The following PRUNE2 variants were observed in gnomAD, a reference collection of about 807,000 sequenced individuals.
PRUNE2 encodes the protein prune homolog 2 with BCH domain.
Under a neutral mutation model 252.0 loss-of-function variants are expected in PRUNE2, and 164 were observed. The observed-to-expected ratio is 0.65, with a 90% CI of 0.57 to 0.74. PRUNE2 has a LOEUF of 0.74. Ranked by LOEUF, PRUNE2 falls within the 30% of genes least tolerant of loss-of-function variation. The probability of loss-of-function intolerance (pLI) is 0.00; values close to 1 mark genes in which losing one functional copy is unlikely to be tolerated. For missense variants in PRUNE2, 3,495 were observed against 3,711.0 expected (o/e 0.94, Z 1.51); for synonymous variants, 1,292 against 1,350.2 (o/e 0.96, Z 0.94).
rs897545748 is a variant in PRUNE2, at chr9:76,896,315, C to T, written c.36+9613G>A. Among the ~76,000 whole-genome samples, 5 of 152,200 alleles carry T rather than the reference C, an allele frequency of 3.3e-5. No homozygotes were observed. In the South Asian group the frequency reaches 8.3e-4, roughly 25 times the overall value. On this transcript the variant is annotated intron_variant, in intron 1 of 18. Transcript: ENST00000376718. ...ATTTCTGTGAATGATTTACAAGTAT[C>T]ATCTCGCAAATAGCCTCAGAGATTG... is the stretch of plus-strand genomic sequence containing the variant.
Position 76,614,450 on chromosome 9 carries a change from T to G in PRUNE2, c.*120A>C. 1.3e-6 allele frequency: 1 copy of G among 781,980 alleles called. No individual in the cohort carries two copies. Among genetic ancestry groups the G allele is most frequent in the Non-Finnish European group, 2.2e-6 (1 of 463,978 alleles). The allele number at this position is 781,980 out of a possible 1,614,324, so 48.4% of individuals were successfully genotyped here. A position where few individuals can be genotyped will look rare whatever the true frequency, so the allele number is the denominator to read the frequency against. On this transcript the variant is annotated 3_prime_UTR_variant, in exon 19 of 19. Coordinates refer to ENST00000376718, the MANE Select transcript of PRUNE2 (RefSeq NM_015225.3). ...CTTTCTATTTTTCCCCTTAGAAATT[T>G]AGAATGGCACCAGGTAGTGCAAAGT...
chr9:76,844,167 C>T (rs1039932446), intron 4 of PRUNE2, among the ~76,000 whole-genome samples: 7 of 152,272 alleles, frequency 4.6e-5, no homozygotes, highest in Admixed American at 2.0e-4. Context: ...CCTTTAGTTC[C>T]GTGATATGGT....
intron 5 of PRUNE2, among the ~76,000 whole-genome samples, chr9:76,824,057 C>G (rs2058200378): frequency 6.6e-6 from 1 of 152,098 alleles, no homozygotes; most frequent in Admixed American, 6.6e-5. Context: ...AGAAAGAAAA[C>G]AGAGATCTGT....
chr9:76,640,191 C>A, intron 12 of PRUNE2, among the ~76,000 whole-genome samples: 1 of 152,260 alleles, frequency 6.6e-6, no homozygotes, highest in East Asian at 1.9e-4. Context: ...CAGAACCCAA[C>A]GTGTTAGTTT....
chr9:76,615,769 G>GTTTTTT (rs58726178), intron 18 of PRUNE2, among the ~76,000 whole-genome samples: 1,565 of 93,836 alleles, frequency 0.017, 100 homozygotes, highest in Middle Eastern at 0.023. Context: ...TGTGTGTGTG[G>GTTTTTT]TTTTTTTTTT....
At chr9:76,899,971 G>A (rs539411301) in intron 1 of PRUNE2, among the ~76,000 whole-genome samples, 1 of 152,284 alleles carries the variant, frequency 6.6e-6, no homozygotes, top group South Asian at 2.1e-4. Flanking sequence ...TTAAGGGAGG[G>A]GTAGGAAAGG....
rs544259543 is a variant in PRUNE2 at position 76,657,867 on chromosome 9, G to A, written c.8277-2365C>T. 2.0e-5 allele frequency among the ~76,000 whole-genome samples: 3 copies of A among 152,296 alleles called. No homozygotes were observed. The East Asian group carries it at 5.8e-4, about 29-fold the overall frequency. On this transcript the variant is annotated intron_variant, in intron 9 of 18. Coordinates refer to ENST00000376718, the MANE Select transcript of PRUNE2 (RefSeq NM_015225.3). ...ACTGCACAAATCTCCACAGAGCCTA[G>A]AAATGCTCCTCAACTCATTGATGTT...
At chr9:76,658,729 G>C (rs1398711102) in intron 9 of PRUNE2, among the ~76,000 whole-genome samples, 1 of 152,212 alleles carries the variant, frequency 6.6e-6, no homozygotes, top group African/African-American at 2.4e-5. Context: ...GTAAACACAA[G>C]TCAGGCTGTA....
intron 1 of PRUNE2, among the ~76,000 whole-genome samples, chr9:76,855,084 T>A (rs7466428): frequency 0.14 from 14,143 of 103,506 alleles, 947 homozygotes; most frequent in African/African-American, 0.19. Context: ...AAAAAAAAAA[T>A]ATATATATAT....
intron 6 of PRUNE2, among the ~76,000 whole-genome samples, chr9:76,757,418 G>A (rs2051256860): frequency 6.6e-6 from 1 of 152,178 alleles, no homozygotes; most frequent in African/African-American, 2.4e-5. Flanking sequence ...AGTCATGTTA[G>A]TTTTGAAAAC....
chr9:76,701,266 A>G (rs1199594169), intron 9 of PRUNE2, among the ~76,000 whole-genome samples: 3 of 152,224 alleles, frequency 2.0e-5, no homozygotes, highest in Admixed American at 1.3e-4. Context: ...CCCAAAATCT[A>G]GCACAGAGGG....
intron 1 of PRUNE2, among the ~76,000 whole-genome samples, chr9:76,869,393 T>C (rs2061054661): frequency 6.6e-6 from 1 of 152,238 alleles, no homozygotes; most frequent in African/African-American, 2.4e-5. Context: ...CCATTATTTA[T>C]TACACTGTGT....
chr9:76,703,650 A>C lies in PRUNE2; in HGVS notation c.7963T>G (p.Trp2655Gly), dbSNP rs2046077521. 3.1e-6 allele frequency: 5 copies of C among 1,612,342 alleles called. No homozygotes were observed. Among genetic ancestry groups the C allele is most frequent in the Non-Finnish European group, 3.4e-6 (4 of 1,179,844 alleles). ...AACGGCTCCACAGTCTTGCCAGACC[A>C]CCCAGGCCCTGAGTCCCTGGCATCC... is the stretch of plus-strand genomic sequence containing the variant. ...SLDARDSGPG[W>G]SGKTVEPFSE... Residue 2655 changes from tryptophan (W) to glycine (G), a missense_variant, in exon 9 of 19, where the codon TGG becomes GGG. By Grantham distance (184) the Trp-to-Gly change is radical. Coordinates refer to ENST00000376718, the MANE Select transcript of PRUNE2 (RefSeq NM_015225.3).
chr9:76,714,535 C>T (rs2046986895), intron 6 of PRUNE2, among the ~76,000 whole-genome samples: 1 of 125,310 alleles, frequency 8.0e-6, no homozygotes, highest in Non-Finnish European at 1.9e-5. Flanking sequence ...GCTGGGGCTA[C>T]AGGTGTGTAT....
chr9:76,776,581 C>T (rs1448646920), intron 6 of PRUNE2, among the ~76,000 whole-genome samples: 3 of 125,644 alleles, frequency 2.4e-5, no homozygotes, highest in Admixed American at 9.7e-5. Context: ...AGTGCACAAT[C>T]TCGGCTCACT....
chr9:76,728,718 T>C (rs527581646), intron 6 of PRUNE2, among the ~76,000 whole-genome samples: 67 of 152,316 alleles, frequency 4.4e-4, no homozygotes, highest in African/African-American at 1.6e-3. Context: ...AGAATAGGCT[T>C]TGGAATACAG....
rs767164911 is a variant in PRUNE2 at position 76,846,501 on chromosome 9, G to C, written c.508+14C>G. On this transcript the variant is annotated intron_variant, in intron 4 of 18. Coordinates refer to ENST00000376718, the MANE Select transcript of PRUNE2 (RefSeq NM_015225.3). ...TAAGCCTTCCAGTATTTAATAGGAAGAGCCATCTCTCACCTCTGAGGCGAT... is the reference window on the plus strand; with the variant it reads ...TAAGCCTTCCAGTATTTAATAGGAACAGCCATCTCTCACCTCTGAGGCGAT... 6.2e-7 allele frequency: 1 copy of C among 1,606,254 alleles called. No individual in the cohort carries two copies. Among genetic ancestry groups the C allele is most frequent in the East Asian group, 2.2e-5 (1 of 44,770 alleles).
At chr9:76,631,410 C>T (rs1476871376) in intron 15 of PRUNE2, among the ~76,000 whole-genome samples, 3 of 152,172 alleles carry the variant, frequency 2.0e-5, no homozygotes, top group Non-Finnish European at 4.4e-5. Context: ...GCCAATCCTG[C>T]TAATCCTTTA....
At chr9:76,666,091 T>G (rs932233543) in intron 9 of PRUNE2, among the ~76,000 whole-genome samples, 2 of 152,090 alleles carry the variant, frequency 1.3e-5, no homozygotes, top group Non-Finnish European at 2.9e-5. Context: ...TAGTGAGAAG[T>G]GACCAGAAGA....
Sources: allele counts gnomAD v4.1 joint callset (sites outside exome capture counted in the v4.1 genomes callset), GRCh38; gene constraint gnomAD v4.1.1; transcripts MANE v1.5; gene names NCBI Gene and HGNC (gene_info 2026-07-23, HGNC 2026-07-21).